Variants in ENTR1 observed in about 807,000 individuals in gnomAD.
ENTR1 encodes endosome-associated-trafficking regulator 1.
Under a neutral mutation model 47.9 loss-of-function variants are expected in ENTR1, and 47 were observed. That is an observed-to-expected ratio of 0.98 (90% CI 0.78 to 1.25). ENTR1 has a LOEUF of 1.25. ENTR1 is among the 50% of genes most tolerant of loss of function. The pLI is 0.00. For missense variants in ENTR1, 668 were observed against 570.5 expected, an observed-to-expected ratio of 1.17 and a Z score of -1.74; for synonymous variants, 290 against 245.8, an observed-to-expected ratio of 1.18 and a Z score of -1.68.
chr9:136,410,325 C>T lies in ENTR1; in HGVS notation c.70+3G>A. 6.5e-7 allele frequency: 1 copy of T among 1,547,732 alleles called. No homozygotes were observed. Among genetic ancestry groups the T allele is most frequent in the Non-Finnish European group, 8.7e-7 (1 of 1,146,188 alleles). On this transcript the variant is annotated splice_donor_region_variant and intron_variant, in intron 1 of 9. Transcript: ENST00000357365. ...CGCTGGACTCGGCCCCTGCCCCGCT[C>T]ACCGTCGGGAATGGCGAGGCTCCGG...
At chr9:136,405,360 T>C (rs1834716135) in intron 6 of ENTR1, 158 bp from the exon 7 acceptor site, 1 of 607,482 alleles carries the variant, frequency 1.6e-6, no homozygotes, top group South Asian at 1.9e-5. Flanking sequence ...CCTGGACCTG[T>C]AGCCACCAGG....
intron 2 of ENTR1, chr9:136,409,760 G>T (rs1284793959): frequency 7.0e-6 from 3 of 426,344 alleles, no homozygotes; most frequent in African/African-American, 6.0e-5. Context: ...CCCGGCTGTG[G>T]AGGCAGATGG....
At chr9:136,404,838 CCA>C (rs1588784586) in intron 7 of ENTR1, 145 bp from the exon 8 acceptor site, 4 of 786,448 alleles carry the variant, frequency 5.1e-6, no homozygotes. Flanking sequence ...AGTCCCGCCT[CCA>C]CTCTCAGACC....
chr9:136,410,162 G>A lies in ENTR1; in HGVS notation c.148C>T (p.Pro50Ser), dbSNP rs1468688969. The change falls in exon 2 of 10, where the codon CCC (proline) becomes TCC (serine). Residue 50 changes from proline (P) to serine (S), a missense_variant. Pro to Ser is a moderately conservative substitution (Grantham distance 74). Transcript: ENST00000357365. ...ERPHGRDLDS[P>S]FFGIRPAFMC... ...AAGGCCGGCCGAATGCCGAAGAAGG[G>A]GGAGTCCAGGTCCCTGCCATGGGGG... 2 of 1,611,988 alleles carry A rather than the reference G, an allele frequency of 1.2e-6. No homozygotes were observed. Among genetic ancestry groups the A allele is most frequent in the Non-Finnish European group, 8.5e-7 (1 of 1,179,728 alleles).
chr9:136,404,346 C>A, intron 8 of ENTR1, 152 bp from the exon 9 acceptor site: 1 of 1,031,566 alleles, frequency 9.7e-7, no homozygotes, highest in Admixed American at 2.4e-5. Context: ...GACTGGGGGC[C>A]TAATGGCTTC....
chr9:136,403,279 G>A (rs1042934683), intron 9 of ENTR1, among the ~76,000 whole-genome samples: 1 of 137,538 alleles, frequency 7.3e-6, no homozygotes, highest in Non-Finnish European at 1.6e-5. Flanking sequence ...ATTCTGGGGG[G>A]AGAAACAGAA....
chr9:136,409,241 T>C (rs1479552237), intron 2 of ENTR1, among the ~76,000 whole-genome samples, 174 bp from the exon 3 acceptor site: 3 of 151,090 alleles, frequency 2.0e-5, no homozygotes, highest in East Asian at 2.0e-4. Flanking sequence ...AGTGCAGTGG[T>C]GCGATCTCGG....
chr9:136,404,225 C>G, intron 8 of ENTR1, 31 bp from the exon 9 acceptor site: 1 of 1,572,598 alleles, frequency 6.4e-7, no homozygotes, highest in African/African-American at 1.4e-5. Flanking sequence ...AAGGACAGAG[C>G]AGCTCCGAGG....
At chr9:136,407,683 A>T (rs1834847977) in intron 4 of ENTR1, 122 bp from the exon 5 acceptor site, 1 of 1,431,256 alleles carries the variant, frequency 7.0e-7, no homozygotes, top group Non-Finnish European at 9.4e-7. Context: ...GAAGGAGCCC[A>T]GCAGCTTCTG....
Position 136,407,559 on chromosome 9 carries a change from T to G in ENTR1, c.405A>C (p.Glu135Asp), listed in dbSNP as rs374790809. ...CAAGTCCCAGGGAATGCCTCGAGGCTTCCTAAAAAAAAAAAAAAAAAAAAA... is the reference window on the plus strand; with the variant it reads ...CAAGTCCCAGGGAATGCCTCGAGGCGTCCTAAAAAAAAAAAAAAAAAAAAA... Reference protein sequence around the residue: ...EDPASRIYAKEASRHSLGLDH... With the variant: ...EDPASRIYAKDASRHSLGLDH... The change falls in exon 5 of 10, where the codon GAA becomes GAC. Residue 135 changes from glutamate (E) to aspartate (D), a missense_variant and splice_region_variant. Coordinates refer to ENST00000357365, the MANE Select transcript of ENTR1 (RefSeq NM_001039707.2). 7.1e-6 allele frequency: 10 copies of G among 1,410,338 alleles called. No homozygotes were observed. The South Asian group carries it at 1.5e-4, about 21-fold the overall frequency. The allele number at this position is 1,410,338 out of a possible 1,614,324, so 87.4% of individuals were successfully genotyped here. A position where few individuals can be genotyped will look rare whatever the true frequency, so the allele number is the denominator to read the frequency against.
chr9:136,410,023 C>T (rs751004884), intron 2 of ENTR1, 67 bp downstream of exon 2: 28 of 1,575,704 alleles, frequency 1.8e-5, no homozygotes, highest in Non-Finnish European at 2.4e-5. Context: ...GCTCGTGCTG[C>T]AGCGGAGGTG....
chr9:136,409,447 C>G (rs916080187), intron 2 of ENTR1, among the ~76,000 whole-genome samples: 1 of 152,200 alleles, frequency 6.6e-6, no homozygotes, highest in African/African-American at 2.4e-5. Context: ...TCCCAAAGTG[C>G]TGGGATTACA....
Position 136,402,701 on chromosome 9 carries a change from A to G in ENTR1, c.*87T>C. The G allele has an allele frequency of 1.1e-6, 1 of 891,170 alleles. No homozygotes were observed. The highest frequency in any genetic ancestry group is 1.4e-5 in the South Asian group (1 of 70,330). 55.2% of individuals were successfully genotyped at this position (891,170 alleles called of 1,614,324 possible). On this transcript the variant is annotated 3_prime_UTR_variant, in exon 10 of 10. Transcript: ENST00000357365. ...ACTTTACTCTGGGTGAAGACTGCAT[A>G]TTTAAGGACACAACTGCACATTTAG...
rs773332550 is a variant in ENTR1, at chr9:136,407,865, GC to G, written c.362del (p.Gly121AlafsTer112). The G allele has an allele frequency of 1.9e-6, 3 of 1,613,324 alleles. No individual in the cohort carries two copies. In the East Asian group the frequency reaches 6.7e-5, roughly 36 times the overall value. The part of the protein sequence containing the change: ...FREFLKTKNL[G>X]LSKEDPASRI... ...TGCTGGCCGGATCCTCTTTCGAGAG[GC>G]CGAGGTTCTTGGTCTTCAGAAACTC... On this transcript the variant is annotated frameshift_variant, in exon 4 of 10. Coordinates refer to ENST00000357365, the MANE Select transcript of ENTR1 (RefSeq NM_001039707.2). LOFTEE classifies it high-confidence loss of function.
chr9:136,404,475 C>T (rs1014811511), intron 8 of ENTR1, among the ~76,000 whole-genome samples, 156 bp downstream of exon 8: 1 of 152,244 alleles, frequency 6.6e-6, no homozygotes, highest in Non-Finnish European at 1.5e-5. Flanking sequence ...CTCTGCTTCA[C>T]GCCCTGACAG....
At position 136,404,172 on chromosome 9, in the gene ENTR1, C is replaced by G. The variant is rs374703011; in HGVS notation, c.1091G>C (p.Arg364Pro). The G allele has an allele frequency of 3.9e-5, 63 of 1,610,258 alleles. No homozygotes were observed. Among genetic ancestry groups the G allele is most frequent in the Non-Finnish European group, 5.2e-5 (61 of 1,178,124 alleles). Residue 364 changes from arginine (R) to proline (P), a missense_variant, in exon 9 of 10, where the codon CGA becomes CCA. Arg to Pro is a moderately radical substitution (Grantham distance 103). Transcript: ENST00000357365. Reference protein sequence around the residue: ...LLQAQVSNFQRENEALRCGQG... With the variant: ...LLQAQVSNFQPENEALRCGQG... Reference sequence around the variant, plus strand: ...GCCGCACCGCAGGGCTTCATTCTCTCGCTGGAAGTTGGAGACCTGCGCCTG... The same window carrying G: ...GCCGCACCGCAGGGCTTCATTCTCTGGCTGGAAGTTGGAGACCTGCGCCTG...
rs749424843 is a variant in ENTR1 at position 136,404,096 on chromosome 9, C to T, written c.1167G>A (p.Gln389=). 25 of 1,613,394 alleles carry T rather than the reference C, an allele frequency of 1.5e-5. No individual in the cohort carries two copies. Among genetic ancestry groups the T allele is most frequent in the Non-Finnish European group, 2.0e-5 (24 of 1,179,842 alleles). Residue 389 remains glutamine (Q), a synonymous_variant, in exon 9 of 10, where the codon CAG becomes CAA. Coordinates refer to ENST00000357365, the MANE Select transcript of ENTR1 (RefSeq NM_001039707.2). ...CACTGTTCATGACCACCCGGAGGTTCTGCAGGGCCACGTCGGCGTTCTGCT... is the reference window on the plus strand; with the variant it reads ...CACTGTTCATGACCACCCGGAGGTTTTGCAGGGCCACGTCGGCGTTCTGCT... ...VVKQNADVAL[Q]NLRVVMNSAQ...
chr9:136,409,982 G>A, intron 2 of ENTR1, 108 bp downstream of exon 2: 1 of 1,355,286 alleles, frequency 7.4e-7, no homozygotes, highest in Non-Finnish European at 1.0e-6. Context: ...CACGCAGTGA[G>A]CGCTCTGCAC....
chr9:136,408,597 C>A (rs10870138), intron 3 of ENTR1, among the ~76,000 whole-genome samples: 30,054 of 151,816 alleles, frequency 0.2, 3,148 homozygotes, highest in Admixed American at 0.27. Context: ...CAACAACAAC[C>A]AGCTCCTCAG....
Sources: allele counts gnomAD v4.1 joint callset (sites outside exome capture counted in the v4.1 genomes callset), GRCh38; gene constraint gnomAD v4.1.1; transcripts MANE v1.5; gene names NCBI Gene and HGNC (gene_info 2026-07-23, HGNC 2026-07-21).